COL15A1: variants seen among roughly 807,000 people sequenced by gnomAD.
COL15A1 encodes the protein collagen alpha-1(XV) chain.
In COL15A1, 111 loss-of-function variants were observed where a neutral mutation model predicts 165.9. The ratio of observed to expected loss-of-function variants is 0.67; its 90% confidence interval spans 0.57 to 0.78. The LOEUF is 0.78. Among genes scored for constraint, COL15A1 ranks in the 30% least tolerant of loss-of-function variants. The pLI is 0.00. For synonymous variants in COL15A1, 659 were observed against 674.8 expected (o/e 0.98, Z 0.36); for missense variants, 1,745 against 1,789.7 (o/e 0.98, Z 0.45).
At chr9:98,944,640 T>G (rs1431656872) in intron 2 of COL15A1, among the ~76,000 whole-genome samples, 1 of 152,262 alleles carries the variant, frequency 6.6e-6, no homozygotes, top group African/African-American at 2.4e-5. Flanking sequence ...CTGGTGCCTC[T>G]CCGCACACAG....
chr9:99,015,312 C>A, intron 9 of COL15A1, 105 bp from the exon 10 acceptor site: 1 of 748,898 alleles, frequency 1.3e-6, no homozygotes, highest in Middle Eastern at 3.9e-4. Flanking sequence ...ATCATGGAGC[C>A]TCCAGTTATC....
chr9:99,065,896 A>G (rs1433652512), intron 39 of COL15A1, among the ~76,000 whole-genome samples: 2 of 151,736 alleles, frequency 1.3e-5, no homozygotes, highest in Non-Finnish European at 2.9e-5. Context: ...CACCATGGTG[A>G]TCCTGGTCAC....
intron 2 of COL15A1, among the ~76,000 whole-genome samples, chr9:98,961,192 A>T (rs1837860191): frequency 6.6e-6 from 1 of 152,238 alleles, no homozygotes; most frequent in Non-Finnish European, 1.5e-5. Flanking sequence ...TCTGAATACA[A>T]GCAATGTGTG....
intron 5 of COL15A1, among the ~76,000 whole-genome samples, chr9:98,996,677 C>T (rs1838549671): frequency 6.6e-6 from 1 of 152,128 alleles, no homozygotes; most frequent in African/African-American, 2.4e-5. Context: ...AAATGTGGTC[C>T]CTGTGCTCAG....
intron 12 of COL15A1, 57 bp downstream of exon 12, chr9:99,020,499 A>C (rs1839008706): frequency 7.9e-7 from 1 of 1,259,608 alleles, no homozygotes; most frequent in Admixed American, 1.7e-5. Context: ...TGTCCTGAAC[A>C]TGTTATTTAG....
intron 2 of COL15A1, among the ~76,000 whole-genome samples, chr9:98,979,494 A>C (rs1255767492): frequency 6.6e-6 from 1 of 152,054 alleles, no homozygotes; most frequent in African/African-American, 2.4e-5. Context: ...AATTTCTTTT[A>C]CTGTGTCTAG....
At chr9:98,955,514 A>G (rs1250786445) in intron 2 of COL15A1, among the ~76,000 whole-genome samples, 2 of 152,026 alleles carry the variant, frequency 1.3e-5, no homozygotes, top group African/African-American at 2.4e-5. Flanking sequence ...CTTAGTGAAA[A>G]CCCAGCATTA....
At chr9:98,963,800 A>AT (rs1837904739) in intron 2 of COL15A1, among the ~76,000 whole-genome samples, 1 of 152,140 alleles carries the variant, frequency 6.6e-6, no homozygotes, top group Non-Finnish European at 1.5e-5. Context: ...AGAGCCAGGG[A>AT]TGGGGAACCC....
chr9:99,037,984 C>T (rs1839332464), intron 21 of COL15A1, among the ~76,000 whole-genome samples: 1 of 151,972 alleles, frequency 6.6e-6, no homozygotes, highest in Admixed American at 6.6e-5. Flanking sequence ...GACCAGATCG[C>T]ATGCATTTAA....
intron 24 of COL15A1, among the ~76,000 whole-genome samples, chr9:99,043,893 G>C (rs936720465): frequency 2.6e-5 from 4 of 152,202 alleles, no homozygotes; most frequent in African/African-American, 9.7e-5. Context: ...ATTGGGGTCA[G>C]GATCCTGTGT....
At chr9:98,976,545 G>A (rs1184461846) in intron 2 of COL15A1, among the ~76,000 whole-genome samples, 1 of 152,198 alleles carries the variant, frequency 6.6e-6, no homozygotes, top group Non-Finnish European at 1.5e-5. Flanking sequence ...AGGGAACGTG[G>A]ACTTTCAGGT....
intron 2 of COL15A1, among the ~76,000 whole-genome samples, chr9:98,961,351 A>G (rs547039085): frequency 3.3e-4 from 50 of 152,354 alleles, no homozygotes; most frequent in African/African-American, 1.2e-3. Context: ...AGAAAGTGCA[A>G]TGAGAGCTAT....
At chr9:98,972,571 T>A (rs2118842808) in intron 2 of COL15A1, among the ~76,000 whole-genome samples, 1 of 152,310 alleles carries the variant, frequency 6.6e-6, no homozygotes, top group South Asian at 2.1e-4. Flanking sequence ...GGATGACTGA[T>A]TTGTGGAAAG....
At position 99,070,596 on chromosome 9, in the gene COL15A1, C is replaced by T. The variant is rs966579369; in HGVS notation, c.*710C>T. 9.0e-6 allele frequency: 4 copies of T among 443,188 alleles called. No individual in the cohort carries two copies. The highest frequency in any genetic ancestry group is 7.2e-5 in the East Asian group (1 of 13,858). 27.5% of individuals were successfully genotyped at this position (443,188 alleles called of 1,614,324 possible). A position where few individuals can be genotyped will look rare whatever the true frequency, so the allele number is the denominator to read the frequency against. Reference sequence around the variant, plus strand: ...CACATAATTACTACCTTCCCCTTGGCGGCTCTCCTCCCCAACCCCCACCCC... The same window carrying T: ...CACATAATTACTACCTTCCCCTTGGTGGCTCTCCTCCCCAACCCCCACCCC... On this transcript the variant is annotated 3_prime_UTR_variant, in exon 42 of 42. Transcript: ENST00000375001.
intron 2 of COL15A1, among the ~76,000 whole-genome samples, chr9:98,971,568 C>G (rs545288536): frequency 9.2e-4 from 140 of 152,164 alleles, no homozygotes; most frequent in Non-Finnish European, 1.6e-3. Context: ...CCACATGGTC[C>G]CTGGGGTGGC....
Position 99,017,758 on chromosome 9 carries a change from A to T in COL15A1, c.1647+1639A>T, listed in dbSNP as rs185413583. On this transcript the variant is annotated intron_variant, in intron 11 of 41. Coordinates refer to ENST00000375001, the MANE Select transcript of COL15A1 (RefSeq NM_001855.5). Reference sequence around the variant, plus strand: ...AGGTATACACAAAGCACCAAGTTCAAATCTCCCTAGTGATGCCACATCGGG... The same window carrying T: ...AGGTATACACAAAGCACCAAGTTCATATCTCCCTAGTGATGCCACATCGGG... Among the ~76,000 whole-genome samples the T allele has an allele frequency of 1.6e-3, 240 of 152,240 alleles. 2 individuals are homozygous for T. The highest frequency in any genetic ancestry group is 5.7e-3 in the African/African-American group (236 of 41,530).
At chr9:99,011,634 CT>C (rs1039355341) in intron 9 of COL15A1, among the ~76,000 whole-genome samples, 28 of 151,754 alleles carry the variant, frequency 1.8e-4, no homozygotes, top group Non-Finnish European at 2.5e-4. Flanking sequence ...AAAAAACACA[CT>C]TTTTTTTAGA....
At chr9:98,957,600 CAG>C (rs1375426880) in intron 2 of COL15A1, among the ~76,000 whole-genome samples, 8 of 152,288 alleles carry the variant, frequency 5.3e-5, no homozygotes, top group East Asian at 1.9e-4. Context: ...CTCAAACCAA[CAG>C]AGTCTCCAGA....
In COL15A1 at chr9:99,024,268, G is replaced by GTTTTTT. The variant is rs201734908; in HGVS notation, c.1855-603_1855-598dup. ...TAAAAACAAGGCTACACCACAAGCA[G>GTTTTTT]TTTTTTTTGTTTTTTTGTTTTTTTT... On this transcript the variant is annotated intron_variant, in intron 14 of 41. Coordinates refer to ENST00000375001, the MANE Select transcript of COL15A1 (RefSeq NM_001855.5). Among the ~76,000 whole-genome samples, 860 of 131,240 alleles carry GTTTTTT rather than the reference G, an allele frequency of 6.6e-3. 77 individuals carry two copies. Among genetic ancestry groups the GTTTTTT allele is most frequent in the East Asian group, 0.038 (165 of 4,342 alleles). 86.1% of individuals were successfully genotyped at this position (131,240 alleles called of 152,430 possible). A position where few individuals can be genotyped will look rare whatever the true frequency, so the allele number is the denominator to read the frequency against.
Sources: allele counts gnomAD v4.1 joint callset (sites outside exome capture counted in the v4.1 genomes callset), GRCh38; gene constraint gnomAD v4.1.1; transcripts MANE v1.5; gene names NCBI Gene and HGNC (gene_info 2026-07-23, HGNC 2026-07-21).